ASTN1: variants seen among roughly 807,000 people sequenced by gnomAD.
ASTN1 encodes astrotactin 1, also known as astrotactin-1.
In ASTN1, 41 loss-of-function variants were observed where a neutral mutation model predicts 140.7. That is an observed-to-expected ratio of 0.29 (90% CI 0.23 to 0.38). The LOEUF is 0.38. Ranked by LOEUF, ASTN1 falls within the 10% of genes least tolerant of loss-of-function variation. ASTN1 has a pLI of 1.00. For missense variants in ASTN1, 1,479 were observed against 1,678.8 expected (o/e 0.88, Z 2.08); for synonymous variants, 640 against 652.2 (o/e 0.98, Z 0.29).
intron 2 of ASTN1, among the ~76,000 whole-genome samples, chr1:177,041,376 T>C (rs540112585): frequency 1.2e-4 from 19 of 152,260 alleles, no homozygotes; most frequent in Non-Finnish European, 2.2e-4. Flanking sequence ...CACGCACAAA[T>C]GTGTGTATTA....
At chr1:176,869,444 G>A (rs1668253366) in intron 21 of ASTN1, among the ~76,000 whole-genome samples, 1 of 152,130 alleles carries the variant, frequency 6.6e-6, no homozygotes, top group Non-Finnish European at 1.5e-5. Context: ...TTTCTAAAAA[G>A]ACCTAGCTTG....
chr1:177,126,364 A>T (rs1160567978), intron 1 of ASTN1, among the ~76,000 whole-genome samples: 1 of 152,136 alleles, frequency 6.6e-6, no homozygotes, highest in Non-Finnish European at 1.5e-5. Flanking sequence ...TTGGCTAGAG[A>T]CATACACCAG....
At chr1:177,085,928 C>A (rs1243119418) in intron 1 of ASTN1, among the ~76,000 whole-genome samples, 2 of 152,128 alleles carry the variant, frequency 1.3e-5, no homozygotes, top group African/African-American at 4.8e-5. Flanking sequence ...AGACACATGT[C>A]CAAGTCCATT....
chr1:176,926,177 CATT>C (rs969280742), intron 16 of ASTN1, among the ~76,000 whole-genome samples: 1 of 151,020 alleles, frequency 6.6e-6, no homozygotes, highest in Admixed American at 6.6e-5. Flanking sequence ...TTTAAGCTCT[CATT>C]ATTATTATTT....
chr1:177,138,473 C>G (rs1256556984), intron 1 of ASTN1, among the ~76,000 whole-genome samples: 1 of 152,018 alleles, frequency 6.6e-6, no homozygotes, highest in Admixed American at 6.6e-5. Flanking sequence ...CTCTGGTTGC[C>G]GAGGAGTGGA....
At chr1:176,910,435 TG>T (rs1670184951) in intron 16 of ASTN1, among the ~76,000 whole-genome samples, 1 of 152,190 alleles carries the variant, frequency 6.6e-6, no homozygotes, top group Admixed American at 6.5e-5. Flanking sequence ...ACAAAGTTAT[TG>T]AATGTCCACT....
chr1:177,144,434 A>G (rs1682625510), intron 1 of ASTN1, among the ~76,000 whole-genome samples: 4 of 150,282 alleles, frequency 2.7e-5, no homozygotes, highest in African/African-American at 9.8e-5. Flanking sequence ...TTGTATTTTT[A>G]GTAGAGACGG....
At chr1:177,031,829 T>G (rs1676459656) in intron 3 of ASTN1, among the ~76,000 whole-genome samples, 1 of 152,212 alleles carries the variant, frequency 6.6e-6, no homozygotes, top group African/African-American at 2.4e-5. Context: ...TCTTTCTCTC[T>G]CTGCAGTTTT....
intron 2 of ASTN1, among the ~76,000 whole-genome samples, chr1:177,046,553 A>C (rs1383419132): frequency 6.6e-6 from 1 of 152,158 alleles, no homozygotes; most frequent in Non-Finnish European, 1.5e-5. Context: ...ACAGAACACC[A>C]TGTGGTCCCA....
intron 8 of ASTN1, among the ~76,000 whole-genome samples, chr1:177,005,898 C>T (rs898924981): frequency 2.6e-5 from 4 of 152,144 alleles, no homozygotes; most frequent in South Asian, 2.1e-4. Flanking sequence ...CGTGAGCCAC[C>T]GTGCCCTGCC....
At chr1:177,028,830 T>G (rs1054928726) in intron 5 of ASTN1, among the ~76,000 whole-genome samples, 2 of 152,228 alleles carry the variant, frequency 1.3e-5, no homozygotes, top group Non-Finnish European at 2.9e-5. Flanking sequence ...GTTAACTCAT[T>G]TGACATGTGA....
chr1:176,901,955 C>T (rs1161120514), intron 16 of ASTN1, among the ~76,000 whole-genome samples: 1 of 152,108 alleles, frequency 6.6e-6, no homozygotes, highest in Non-Finnish European at 1.5e-5. Context: ...TTACTATATG[C>T]TTCAGACCCT....
At chr1:177,068,054 T>G (rs1237062565) in intron 1 of ASTN1, among the ~76,000 whole-genome samples, 1 of 152,116 alleles carries the variant, frequency 6.6e-6, no homozygotes, top group East Asian at 1.9e-4. Context: ...TCAGAAACAT[T>G]GATGGTTTGC....
At position 176,905,058 on chromosome 1, in the gene ASTN1, C is replaced by T. The variant is rs1245613090; in HGVS notation, c.2672-10228G>A. Among the ~76,000 whole-genome samples the T allele has an allele frequency of 6.6e-5, 10 of 152,192 alleles. No homozygotes were observed. The East Asian group carries it at 1.5e-3, about 23-fold the overall frequency. ...CCCTGCGTGCTTATCTGTTCTCCAC[C>T]TCTCCTTCCCTATAAGATCCAGCTC... is the stretch of plus-strand genomic sequence containing the variant. On this transcript the variant is annotated intron_variant, in intron 16 of 22. Transcript: ENST00000361833.
intron 21 of ASTN1, among the ~76,000 whole-genome samples, chr1:176,874,835 C>T (rs1026655510): frequency 1.3e-5 from 2 of 152,104 alleles, no homozygotes; most frequent in East Asian, 1.9e-4. Context: ...AACTGAGGCA[C>T]GGGGTGAAGT....
chr1:177,059,518 A>G lies in ASTN1; in HGVS notation c.471+1560T>C, dbSNP rs1677976108. On this transcript the variant is annotated intron_variant, in intron 2 of 22. Transcript: ENST00000361833. ...TAGCAACCTCATTTACCTGCCTGAC[A>G]TCTGACCTTATGTGGATATTAAGGC... Among the ~76,000 whole-genome samples, 3 of 152,200 alleles carry G rather than the reference A, an allele frequency of 2.0e-5. No individual in the cohort carries two copies. The South Asian group carries it at 6.2e-4, about 32-fold the overall frequency.
In ASTN1 at chr1:176,883,062, T is replaced by A. The variant is rs1038247914; in HGVS notation, c.3227-68A>T. On this transcript the variant is annotated intron_variant, in intron 19 of 22. Transcript: ENST00000361833. ...ACGGCCAAGCAATGAGGAGATGGAG[T>A]CAACTCAATGAGAACTTAACATGAC... is the stretch of plus-strand genomic sequence containing the variant. 1.8e-5 allele frequency: 28 copies of A among 1,584,074 alleles called. No homozygotes were observed. The African/African-American group carries it at 3.1e-4, about 18-fold the overall frequency.
At chr1:176,933,760 C>T (rs1237515785) in intron 16 of ASTN1, among the ~76,000 whole-genome samples, 1 of 152,130 alleles carries the variant, frequency 6.6e-6, no homozygotes. Context: ...TAAAGGGATT[C>T]CAGGCAGAGT....
intron 2 of ASTN1, among the ~76,000 whole-genome samples, chr1:177,048,356 C>G (rs1677353393): frequency 6.6e-6 from 1 of 152,166 alleles, no homozygotes; most frequent in South Asian, 2.1e-4. Context: ...CCCTGCAGGT[C>G]CCAGCATTGT....
Sources: allele counts gnomAD v4.1 joint callset (sites outside exome capture counted in the v4.1 genomes callset), GRCh38; gene constraint gnomAD v4.1.1; transcripts MANE v1.5; gene names NCBI Gene and HGNC (gene_info 2026-07-23, HGNC 2026-07-21).